The following IKBIP variants were observed in gnomAD, a reference collection of about 807,000 sequenced individuals.
IKBIP encodes IKBKB interacting protein, also known as inhibitor of nuclear factor kappa-B kinase-interacting protein.
A neutral mutation model predicts 31.0 loss-of-function variants in IKBIP; 28 were observed. The observed-to-expected ratio is 0.90, with a 90% CI of 0.67 to 1.24. The LOEUF is 1.24. Ranked by LOEUF, IKBIP falls within the 50% of genes most tolerant of loss-of-function variation. The probability of loss-of-function intolerance (pLI) is 0.00; values close to 1 mark genes in which losing one functional copy is unlikely to be tolerated. For synonymous variants in IKBIP, 164 were observed against 160.3 expected (o/e 1.02, Z -0.17); for missense variants, 453 against 441.9 (o/e 1.03, Z -0.23).
intron 1 of IKBIP, among the ~76,000 whole-genome samples, chr12:98,634,929 T>C (rs2097624441): frequency 6.6e-6 from 1 of 151,762 alleles, no homozygotes; most frequent in African/African-American, 2.4e-5. Context: ...CAGGATGCTC[T>C]CGATCTCCTG....
intron 2 of IKBIP, among the ~76,000 whole-genome samples, chr12:98,627,729 C>T (rs1403517797): frequency 5.9e-5 from 9 of 152,198 alleles, no homozygotes; most frequent in East Asian, 1.9e-4. Context: ...TGAGCCACCG[C>T]GCCCAGCCCT....
chr12:98,623,657 T>A (rs1339825659), downstream of IKBIP, among the ~76,000 whole-genome samples: 1 of 139,502 alleles, frequency 7.2e-6, no homozygotes, highest in Non-Finnish European at 1.5e-5. Context: ...TGCCTCAGCC[T>A]CCCAAAGTAT....
intron 2 of IKBIP, 27 bp downstream of exon 2, chr12:98,634,269 G>A (rs769360206): frequency 1.8e-5 from 20 of 1,110,372 alleles, no homozygotes; most frequent in Middle Eastern, 2.0e-4. Flanking sequence ...TGGGAAAACC[G>A]TCCCAGATAA....
intron 1 of IKBIP, among the ~76,000 whole-genome samples, chr12:98,635,520 G>C (rs1170470147): frequency 6.6e-6 from 1 of 152,158 alleles, no homozygotes; most frequent in African/African-American, 2.4e-5. Context: ...AAGATGGTGT[G>C]ATATCTGTAA....
intron 1 of IKBIP, among the ~76,000 whole-genome samples, chr12:98,641,837 C>T (rs537242156): frequency 2.6e-5 from 4 of 152,108 alleles, no homozygotes; most frequent in Middle Eastern, 3.4e-3. Context: ...AAAAATTTTT[C>T]GTAGACACGG....
chr12:98,614,014 T>G, exon 3 of IKBIP: 2 of 1,609,988 alleles, frequency 1.2e-6, no homozygotes, highest in Non-Finnish European at 1.7e-6. Flanking sequence ...TTACTGTATT[T>G]TTTTCTACTT....
At chr12:98,642,008 A>T (rs962354730) in intron 1 of IKBIP, among the ~76,000 whole-genome samples, 1 of 152,206 alleles carries the variant, frequency 6.6e-6, no homozygotes, top group Admixed American at 6.5e-5. Flanking sequence ...ACATAGTTCA[A>T]ATTAAATCTT....
chr12:98,620,008 G>A (rs1206844687), downstream of IKBIP, among the ~76,000 whole-genome samples: 8 of 146,822 alleles, frequency 5.4e-5, no homozygotes, highest in East Asian at 2.1e-4. Context: ...AACCTCTGCC[G>A]CCTGAGTTCA....
intron 2 of IKBIP, among the ~76,000 whole-genome samples, chr12:98,615,794 G>A (rs543268269): frequency 6.6e-6 from 1 of 152,032 alleles, no homozygotes; most frequent in Non-Finnish European, 1.5e-5. Context: ...GCATAATATC[G>A]TTTAGGTTCA....
At chr12:98,623,432 A>T (rs2097611605), downstream of IKBIP, among the ~76,000 whole-genome samples, 1 of 142,912 alleles carries the variant, frequency 7.0e-6, no homozygotes, top group Non-Finnish European at 1.5e-5. Context: ...TTTAGTAGAC[A>T]TGAGGTCTCA....
downstream of IKBIP, among the ~76,000 whole-genome samples, chr12:98,621,969 G>A (rs1203476524): frequency 3.3e-5 from 5 of 151,888 alleles, no homozygotes; most frequent in South Asian, 2.1e-4. Flanking sequence ...TCAGCTACTC[G>A]GGAGGCTGAG....
chr12:98,639,866 T>C (rs1408792149), intron 1 of IKBIP, among the ~76,000 whole-genome samples: 1 of 152,228 alleles, frequency 6.6e-6, no homozygotes, highest in Non-Finnish European at 1.5e-5. Flanking sequence ...ATACCATCTA[T>C]AGCCTCAGTT....
chr12:98,634,416 GGAAAA>G lies in IKBIP; in HGVS notation c.180-8_180-4del, dbSNP rs766708915. 123 of 1,455,704 alleles carry G rather than the reference GGAAAA, an allele frequency of 8.4e-5. No homozygotes were observed. The highest frequency in any genetic ancestry group is 1.1e-4 in the Non-Finnish European group (117 of 1,043,732). The allele number at this position is 1,455,704 out of a possible 1,614,324, so 90.2% of individuals were successfully genotyped here. A position where few individuals can be genotyped will look rare whatever the true frequency, so the allele number is the denominator to read the frequency against. ...TTTCTGACTGCTGAAATACAAACCT[GGAAAA>G]GAAAAGAAAAATCACTATTCTCCAA... On this transcript the variant is annotated splice_polypyrimidine_tract_variant and splice_region_variant and intron_variant, in intron 1 of 2. Coordinates refer to ENST00000299157, the MANE Select transcript of IKBIP (RefSeq NM_153687.4).
chr12:98,618,804 G>T (rs867506265), intron 2 of IKBIP, among the ~76,000 whole-genome samples: 7 of 152,092 alleles, frequency 4.6e-5, no homozygotes, highest in Non-Finnish European at 1.0e-4. Flanking sequence ...AACCTTTTGA[G>T]ATTATTTTGG....
chr12:98,626,817 T>C, intron 2 of IKBIP, 51 bp from the exon 3 acceptor site: 1 of 1,411,702 alleles, frequency 7.1e-7, no homozygotes, highest in Non-Finnish European at 9.7e-7. Context: ...AATTTTCATA[T>C]TAGAGAAACA....
At position 98,644,687 on chromosome 12, in the gene IKBIP, C is replaced by T; in HGVS notation, c.15G>A (p.Lys5=). 1 of 1,610,364 alleles carries T rather than the reference C, an allele frequency of 6.2e-7. No individual in the cohort carries two copies. The highest frequency in any genetic ancestry group is 8.5e-7 in the Non-Finnish European group (1 of 1,179,044). Residue 5 remains lysine (K), a synonymous_variant, in exon 1 of 3, where the codon AAG becomes AAA. Transcript: ENST00000299157. Reference sequence around the variant, plus strand: ...CCTTGGGCCCCGACTTCTTCCGGCTCTTCACCTCAGACATGTCTGGAGACC... The same window carrying T: ...CCTTGGGCCCCGACTTCTTCCGGCTTTTCACCTCAGACATGTCTGGAGACC... MSEV[K]SRKKSGPKGA...
intron 1 of IKBIP, among the ~76,000 whole-genome samples, chr12:98,638,251 G>C (rs2097627560): frequency 6.6e-6 from 1 of 152,098 alleles, no homozygotes; most frequent in African/African-American, 2.4e-5. Flanking sequence ...AAATAACTTT[G>C]ATGTTTCCTC....
intron 2 of IKBIP, chr12:98,614,380 G>T: frequency 9.6e-7 from 1 of 1,040,942 alleles, no homozygotes; most frequent in South Asian, 2.1e-5. Context: ...AAATGTATTA[G>T]AAGCTTACCA....
At chr12:98,643,530 TTTTTTTC>T (rs974192105) in intron 1 of IKBIP, among the ~76,000 whole-genome samples, 1 of 152,180 alleles carries the variant, frequency 6.6e-6, no homozygotes, top group East Asian at 1.9e-4. Context: ...CACAAGTTGG[TTTTTTTC>T]TTTTTTCTTT....
Sources: allele counts gnomAD v4.1 joint callset (sites outside exome capture counted in the v4.1 genomes callset), GRCh38; gene constraint gnomAD v4.1.1; transcripts MANE v1.5; gene names NCBI Gene and HGNC (gene_info 2026-07-23, HGNC 2026-07-21).